The following SAMD12 variants were observed in gnomAD, a reference collection of about 807,000 sequenced individuals.
SAMD12 encodes sterile alpha motif domain-containing protein 12.
Under a neutral mutation model 15.0 loss-of-function variants are expected in SAMD12, and 9 were observed. That is an observed-to-expected ratio of 0.60 (90% CI 0.36 to 1.05). The LOEUF (loss-of-function observed/expected upper bound fraction) is 1.05. SAMD12 is among the 50% of genes least tolerant of loss of function. The pLI is 0.01. For missense variants in SAMD12, 230 were observed against 234.2 expected, an observed-to-expected ratio of 0.98 and a Z score of 0.12; for synonymous variants, 86 against 90.1, an observed-to-expected ratio of 0.96 and a Z score of 0.25.
At chr8:118,541,278 C>T (rs768831508) in intron 2 of SAMD12, among the ~76,000 whole-genome samples, 3 of 152,182 alleles carry the variant, frequency 2.0e-5, no homozygotes, top group Non-Finnish European at 4.4e-5. Flanking sequence ...AGATTTCAAT[C>T]CATGCCTTTC....
intron 3 of SAMD12, among the ~76,000 whole-genome samples, chr8:118,395,394 C>T (rs1033620175): frequency 1.3e-5 from 2 of 152,100 alleles, no homozygotes; most frequent in Non-Finnish European, 2.9e-5. Context: ...ATCTCAGATA[C>T]GTAGAGTGAT....
chr8:118,504,798 A>G (rs561543534), intron 2 of SAMD12, among the ~76,000 whole-genome samples: 2 of 152,344 alleles, frequency 1.3e-5, no homozygotes, highest in East Asian at 3.9e-4. Flanking sequence ...CCATAAGCCA[A>G]GGAAGGCCAA....
chr8:118,284,399 TG>T (rs201340376), intron 4 of SAMD12: 2 of 455,926 alleles, frequency 4.4e-6, no homozygotes, highest in African/African-American at 4.0e-5. Context: ...TATCCTGTTT[TG>T]AACATCTGCA....
intron 4 of SAMD12, among the ~76,000 whole-genome samples, chr8:118,224,455 A>G (rs17485149): frequency 6.6e-6 from 1 of 152,218 alleles, no homozygotes; most frequent in Non-Finnish European, 1.5e-5. Context: ...TTTTAATATC[A>G]CAAAGAAAAC....
the SAMD12 span, among the ~76,000 whole-genome samples, chr8:118,148,682 A>C: frequency 1.3e-5 from 2 of 152,316 alleles, no homozygotes; most frequent in East Asian, 3.9e-4. Context: ...ACCTTTGTGC[A>C]GTTAATCCTC....
intron 2 of SAMD12, among the ~76,000 whole-genome samples, chr8:118,537,308 GAT>G (rs1256301666): frequency 1.3e-5 from 2 of 151,982 alleles, no homozygotes; most frequent in African/African-American, 4.8e-5. Context: ...CTTGAATATT[GAT>G]ATCTTTCTCT....
chr8:118,292,375 C>CACACACACACACACACACACAT lies in SAMD12; in HGVS notation c.433+87184_433+87185insATGTGTGTGTGTGTGTGTGTGT, dbSNP rs901976215. Among the ~76,000 whole-genome samples the CACACACACACACACACACACAT allele has an allele frequency of 7.9e-4, 119 of 151,504 alleles. 1 individual carries two copies. Among genetic ancestry groups the CACACACACACACACACACACAT allele is most frequent in the Admixed American group, 2.2e-3 (33 of 15,220 alleles). ...ACACACACACACACACACACACACA[C>CACACACACACACACACACACAT]ATATTCCGGAGACCTTGGATCAAAG... On this transcript the variant is annotated intron_variant, in intron 4 of 4. Coordinates refer to the SAMD12 transcript ENST00000409003.
chr8:118,526,263 C>T (rs749201878), intron 2 of SAMD12, among the ~76,000 whole-genome samples: 11 of 152,068 alleles, frequency 7.2e-5, no homozygotes, highest in East Asian at 1.9e-4. Flanking sequence ...ATAATTATGC[C>T]GGAGGTCACA....
intron 2 of SAMD12, among the ~76,000 whole-genome samples, chr8:118,518,578 G>A (rs183476341): frequency 7.2e-5 from 11 of 152,228 alleles, no homozygotes; most frequent in African/African-American, 2.6e-4. Flanking sequence ...TACTTTCTAT[G>A]CTATCAACAA....
chr8:118,566,034 T>C (rs1197786473), intron 2 of SAMD12, among the ~76,000 whole-genome samples: 1 of 152,240 alleles, frequency 6.6e-6, no homozygotes, highest in Non-Finnish European at 1.5e-5. Context: ...TATTCAGCTC[T>C]CTGCGGAGCA....
intron 2 of SAMD12, among the ~76,000 whole-genome samples, chr8:118,575,527 T>G (rs1233682371): frequency 6.6e-6 from 1 of 152,164 alleles, no homozygotes; most frequent in East Asian, 1.9e-4. Flanking sequence ...ACATAGAGAG[T>G]TACATCTTCC....
chr8:118,288,165 A>C (rs1814155546), intron 4 of SAMD12: 1 of 152,170 alleles, frequency 6.6e-6, no homozygotes, highest in South Asian at 2.1e-4. Context: ...CTCCATGCTA[A>C]AGATTTTGTA....
intron 4 of SAMD12, among the ~76,000 whole-genome samples, chr8:118,336,364 AC>A (rs1217392058): frequency 6.6e-6 from 1 of 152,240 alleles, no homozygotes; most frequent in Non-Finnish European, 1.5e-5. Flanking sequence ...GGACAATACA[AC>A]CTTTCAAAGC....
At chr8:118,312,901 T>C (rs562248802) in intron 4 of SAMD12, among the ~76,000 whole-genome samples, 1 of 152,264 alleles carries the variant, frequency 6.6e-6, no homozygotes, top group East Asian at 1.9e-4. Context: ...GAAGCTTAGT[T>C]ACCTTGACTT....
At chr8:118,536,700 T>C (rs1259920903) in intron 2 of SAMD12, among the ~76,000 whole-genome samples, 2 of 152,252 alleles carry the variant, frequency 1.3e-5, no homozygotes, top group Admixed American at 6.5e-5. Context: ...TTTAACTTTT[T>C]GTTATTTCTA....
At chr8:118,486,950 G>A (rs1300909525) in intron 2 of SAMD12, among the ~76,000 whole-genome samples, 1 of 152,178 alleles carries the variant, frequency 6.6e-6, no homozygotes, top group Non-Finnish European at 1.5e-5. Flanking sequence ...CAGCCCAATA[G>A]AGGTGAAGTA....
At chr8:118,331,591 T>TATTTTCAGCCAGGGAAGGGCTCTAG (rs1816809383) in intron 4 of SAMD12, among the ~76,000 whole-genome samples, 1 of 152,202 alleles carries the variant, frequency 6.6e-6, no homozygotes, top group Admixed American at 6.5e-5. Context: ...AGCAAGAAGA[T>TATTTTCAGCCAGGGAAGGGCTCTAG]ATTTTCAGCC....
intron 4 of SAMD12, among the ~76,000 whole-genome samples, chr8:118,259,578 C>T (rs1563719492): frequency 2.0e-5 from 3 of 152,016 alleles, no homozygotes; most frequent in South Asian, 2.1e-4. Flanking sequence ...CTTATGTGGC[C>T]CCTCTCAGTT....
chr8:118,436,679 T>C (rs1178570078), intron 3 of SAMD12, among the ~76,000 whole-genome samples: 3 of 152,210 alleles, frequency 2.0e-5, no homozygotes, highest in Non-Finnish European at 2.9e-5. Flanking sequence ...CCTTAAAGAT[T>C]AGCACAGGAT....
Sources: allele counts gnomAD v4.1 joint callset (sites outside exome capture counted in the v4.1 genomes callset), GRCh38; gene constraint gnomAD v4.1.1; transcripts MANE v1.5; gene names NCBI Gene and HGNC (gene_info 2026-07-23, HGNC 2026-07-21).